ADGRL1: variants seen among roughly 807,000 people sequenced by gnomAD.
The protein encoded by ADGRL1 is CIRL-1.
In ADGRL1, 31 loss-of-function variants were observed where a neutral mutation model predicts 148.9. That is an observed-to-expected ratio of 0.21 (90% CI 0.16 to 0.28). ADGRL1 has a LOEUF of 0.28. Among genes scored for constraint, ADGRL1 ranks in the 10% least tolerant of loss-of-function variants. ADGRL1 has a pLI of 1.00. For missense variants in ADGRL1, 1,521 were observed against 2,058.8 expected (o/e 0.74, Z 5.05); for synonymous variants, 937 against 900.3 (o/e 1.04, Z -0.73).
intron 1 of ADGRL1, among the ~76,000 whole-genome samples, chr19:14,193,703 T>A (rs1972089970): frequency 6.6e-6 from 1 of 152,116 alleles, no homozygotes; most frequent in Non-Finnish European, 1.5e-5. Flanking sequence ...TTAGTGTGGG[T>A]CCTAATCCAA....
At chr19:14,154,847 C>G (rs1041596463) in intron 18 of ADGRL1, among the ~76,000 whole-genome samples, 12 of 149,716 alleles carry the variant, frequency 8.0e-5, no homozygotes, top group Admixed American at 4.0e-4. Flanking sequence ...GAACTCCTGA[C>G]CTCAGGTGAT....
chr19:14,202,884 G>T (rs1327055688), intron 1 of ADGRL1, among the ~76,000 whole-genome samples: 2 of 151,992 alleles, frequency 1.3e-5, no homozygotes, highest in East Asian at 3.9e-4. Flanking sequence ...TGAGTCTGAT[G>T]GTCACGTGGC....
chr19:14,152,004 C>A lies in ADGRL1; in HGVS notation c.3667+129G>T. 1 of 857,966 alleles carries A rather than the reference C, an allele frequency of 1.2e-6. No individual in the cohort carries two copies. Among genetic ancestry groups the A allele is most frequent in the South Asian group, 1.4e-5 (1 of 70,780 alleles). 53.1% of individuals were successfully genotyped at this position (857,966 alleles called of 1,614,324 possible). On this transcript the variant is annotated intron_variant, in intron 22 of 22. Coordinates refer to ENST00000361434, the MANE Select transcript of ADGRL1 (RefSeq NM_014921.5). The surrounding 1 kb of genome is among the most constrained non-coding windows in gnomAD (Gnocchi z 6.1). ...CATTCGGCTGCCAGAGGCTGTGTGT[C>A]GGGGGGTGGGGAAATGTGGGCATGG... is the stretch of plus-strand genomic sequence containing the variant.
intron 3 of ADGRL1, among the ~76,000 whole-genome samples, chr19:14,175,989 G>A (rs529391645): frequency 6.6e-6 from 1 of 151,606 alleles, no homozygotes; most frequent in East Asian, 1.9e-4. Context: ...TGGAGGTGGA[G>A]GTTGCAATGA....
Position 14,159,614 on chromosome 19 carries a change from GCCC to G in ADGRL1, c.1840-33_1840-31del, listed in dbSNP as rs759595808. 13 of 1,592,074 alleles carry G rather than the reference GCCC, an allele frequency of 8.2e-6. No individual in the cohort carries two copies. In the South Asian group the frequency reaches 1.0e-4, roughly 12 times the overall value. On this transcript the variant is annotated intron_variant, in intron 9 of 22. Transcript: ENST00000361434. The surrounding 1 kb of genome is among the most constrained non-coding windows in gnomAD (Gnocchi z 6.0). ...ACAGGCAGAGGGCATGGTGCTGTGA[GCCC>G]CCCAACACCCTCTAATTCCTGGGGG...
intron 15 of ADGRL1, 66 bp downstream of exon 15, chr19:14,156,859 G>A: frequency 1.3e-6 from 2 of 1,568,284 alleles, no homozygotes; most frequent in East Asian, 4.6e-5. Flanking sequence ...GAGGGTCCTG[G>A]TCCAAGGGGT....
intron 1 of ADGRL1, among the ~76,000 whole-genome samples, chr19:14,202,132 G>C (rs1225216226): frequency 6.6e-6 from 1 of 152,172 alleles, no homozygotes; most frequent in Non-Finnish European, 1.5e-5. Context: ...TGAAGGGCCA[G>C]ACCCCAGGAC....
chr19:14,151,071 C>T lies in ADGRL1; in HGVS notation c.4212G>A (p.Leu1404=). ...CGGGGGGTGCGGGAGGGGGTGGGGG[C>T]AGGGCCTCACTGGGCCCCTCAGGGC... ...DSSPEGPSEA[L]PPPPPAPPGP... Residue 1404 remains leucine (L), a synonymous_variant, in exon 23 of 23, where the codon CTG becomes CTA. Transcript: ENST00000361434. 6.7e-7 allele frequency: 1 copy of T among 1,500,198 alleles called. No individual in the cohort carries two copies. Among genetic ancestry groups the T allele is most frequent in the South Asian group, 1.3e-5 (1 of 75,940 alleles). 92.9% of individuals were successfully genotyped at this position (1,500,198 alleles called of 1,614,324 possible).
intron 1 of ADGRL1, among the ~76,000 whole-genome samples, chr19:14,204,814 CA>C (rs919662404): frequency 1.3e-5 from 2 of 152,114 alleles, no homozygotes; most frequent in African/African-American, 4.8e-5. Flanking sequence ...CTCCTGCCCC[CA>C]GGCACACATG....
At chr19:14,176,669 T>G (rs1171507313) in intron 3 of ADGRL1, among the ~76,000 whole-genome samples, 1 of 151,830 alleles carries the variant, frequency 6.6e-6, no homozygotes, top group Non-Finnish European at 1.5e-5. Context: ...AGACCCTGCC[T>G]CTACAAAAAA....
At chr19:14,170,602 G>C in intron 4 of ADGRL1, 80 bp downstream of exon 4, 1 of 821,396 alleles carries the variant, frequency 1.2e-6, no homozygotes. Flanking sequence ...GTGTGCACAT[G>C]TGTGATGGGT....
In ADGRL1 at chr19:14,183,645, CGG is replaced by C; in HGVS notation, c.-45_-44del. 1 of 1,517,872 alleles carries C rather than the reference CGG, an allele frequency of 6.6e-7. No individual in the cohort carries two copies. The highest frequency in any genetic ancestry group is 8.9e-7 in the Non-Finnish European group (1 of 1,119,762). 94.0% of individuals were successfully genotyped at this position (1,517,872 alleles called of 1,614,324 possible). ...TGTCCGGAGCTCTCAGTGGCCTGTG[CGG>C]GGGGCTTTGCCCCACATCACCTGGC... On this transcript the variant is annotated 5_prime_UTR_variant, in exon 2 of 23. It removes the in-frame stop codon of an upstream open reading frame in the 5' UTR. Coordinates refer to ENST00000361434, the MANE Select transcript of ADGRL1 (RefSeq NM_014921.5).
At chr19:14,174,128 G>C (rs149838626) in intron 3 of ADGRL1, among the ~76,000 whole-genome samples, 1 of 152,164 alleles carries the variant, frequency 6.6e-6, no homozygotes, top group Non-Finnish European at 1.5e-5. Flanking sequence ...CCACGGACAT[G>C]GGAACTGGGC....
chr19:14,172,703 G>A (rs1338166025), intron 3 of ADGRL1, among the ~76,000 whole-genome samples: 1 of 152,178 alleles, frequency 6.6e-6, no homozygotes, highest in Non-Finnish European at 1.5e-5. Flanking sequence ...TCGCACCGCT[G>A]TACTCCAGAA....
Position 14,157,807 on chromosome 19 carries a change from A to G in ADGRL1, c.2535+75T>C. 3 of 1,542,888 alleles carry G rather than the reference A, an allele frequency of 1.9e-6. No homozygotes were observed. In the South Asian group the frequency reaches 3.6e-5, roughly 19 times the overall value. On this transcript the variant is annotated intron_variant, in intron 13 of 22. Coordinates refer to ENST00000361434, the MANE Select transcript of ADGRL1 (RefSeq NM_014921.5). The surrounding 1 kb of genome is among the most constrained non-coding windows in gnomAD (Gnocchi z 7.5). Reference sequence around the variant, plus strand: ...CTAGCCTCCCCTGGTACTGCCCGTGATCTCTCTAGGATGCCATGCAAAGCC... The same window carrying G: ...CTAGCCTCCCCTGGTACTGCCCGTGGTCTCTCTAGGATGCCATGCAAAGCC...
intron 3 of ADGRL1, 50 bp from the exon 4 acceptor site, chr19:14,170,841 C>A: frequency 3.3e-6 from 1 of 300,414 alleles, no homozygotes; most frequent in Non-Finnish European, 6.7e-6. Flanking sequence ...GACGGGGTGG[C>A]GGGGGTGGGG....
At chr19:14,192,253 T>C (rs1356088368) in intron 1 of ADGRL1, among the ~76,000 whole-genome samples, 2 of 151,894 alleles carry the variant, frequency 1.3e-5, no homozygotes, top group Non-Finnish European at 2.9e-5. Flanking sequence ...TATTTATTTA[T>C]TTTTTGAGAC....
Position 14,162,808 on chromosome 19 carries a change from G to A in ADGRL1, c.993C>T (p.Asp331=). The A allele has an allele frequency of 6.2e-7, 1 of 1,614,134 alleles. No homozygotes were observed. Among genetic ancestry groups the A allele is most frequent in the Non-Finnish European group, 8.5e-7 (1 of 1,180,012 alleles). The change falls in exon 5 of 23, where the codon GAC becomes GAT. Residue 331 remains aspartate, a synonymous_variant. Coordinates refer to ENST00000361434, the MANE Select transcript of ADGRL1 (RefSeq NM_014921.5). This position sits in a 1 kb window ranked among gnomAD's most constrained non-coding sequence, Gnocchi z 5.4. ...CCACGCGGTTGCCAGCCGCCTCGCT[G>A]TCATCATCCACGTACACGGAACGCA... ...YVLRSVYVDD[D]SEAAGNRVDY...
rs2144711636 is a variant in ADGRL1, at chr19:14,160,020, G to A, written c.1800+92C>T. 7.4e-7 allele frequency: 1 copy of A among 1,355,448 alleles called. No individual in the cohort carries two copies. Among genetic ancestry groups the A allele is most frequent in the East Asian group, 2.4e-5 (1 of 41,754 alleles). The allele number at this position is 1,355,448 out of a possible 1,614,324, so 84.0% of individuals were successfully genotyped here. On this transcript the variant is annotated intron_variant, in intron 8 of 22. Coordinates refer to ENST00000361434, the MANE Select transcript of ADGRL1 (RefSeq NM_014921.5). The surrounding 1 kb of genome is among the most constrained non-coding windows in gnomAD (Gnocchi z 5.9). ...TCTGAGGAAAGGAGTGGAGGTGGCA[G>A]CCTGGCTGGGAGGTACCAGGTCAGG...
Sources: allele counts gnomAD v4.1 joint callset (sites outside exome capture counted in the v4.1 genomes callset), GRCh38; gene constraint gnomAD v4.1.1; non-coding constraint Gnocchi (gnomAD v3.1); transcripts MANE v1.5; gene names NCBI Gene and HGNC (gene_info 2026-07-23, HGNC 2026-07-21).